Variants in KIAA2012 observed in about 807,000 individuals in gnomAD.
The protein encoded by KIAA2012 is uncharacterized protein KIAA2012.
A neutral mutation model predicts 150.6 loss-of-function variants in KIAA2012; 125 were observed. The observed-to-expected ratio is 0.83, with a 90% CI of 0.72 to 0.96. The LOEUF is 0.96. Ranked by LOEUF, KIAA2012 falls within the 40% of genes least tolerant of loss-of-function variation. The pLI, the probability that KIAA2012 is intolerant of heterozygous loss-of-function variation, is 0.00. For synonymous variants in KIAA2012, 462 were observed against 504.7 expected (o/e 0.92, Z 1.13); for missense variants, 1,219 against 1,354.9 (o/e 0.90, Z 1.57).
chr2:202,132,707 T>TA (rs1255909276), intron 12 of KIAA2012, among the ~76,000 whole-genome samples: 66 of 119,956 alleles, frequency 5.5e-4, no homozygotes, highest in African/African-American at 2.0e-3. Flanking sequence ...TATATATATA[T>TA]GTATATATGT....
chr2:202,150,504 A>C (rs1433246787), intron 13 of KIAA2012, among the ~76,000 whole-genome samples: 2 of 151,586 alleles, frequency 1.3e-5, no homozygotes, highest in African/African-American at 4.8e-5. Flanking sequence ...GCTGGAGTGC[A>C]GTGGCGCGAT....
chr2:202,142,607 A>G (rs1829687), intron 13 of KIAA2012, among the ~76,000 whole-genome samples: 52,682 of 151,982 alleles, frequency 0.35, 9,403 homozygotes, highest in East Asian at 0.59. Context: ...TAGGAAGGGG[A>G]CTTGTTTTGG....
intron 3 of KIAA2012, among the ~76,000 whole-genome samples, chr2:202,091,599 A>C (rs1390967924): frequency 1.3e-5 from 2 of 151,860 alleles, no homozygotes; most frequent in Non-Finnish European, 2.9e-5. Context: ...ATGCATACCC[A>C]CCCCCGCAAC....
chr2:202,177,256 A>G (rs1029047835), intron 15 of KIAA2012, among the ~76,000 whole-genome samples: 4 of 152,220 alleles, frequency 2.6e-5, no homozygotes, highest in African/African-American at 9.7e-5. Flanking sequence ...AATACTATAT[A>G]TTGTTTACAT....
chr2:202,196,807 G>A lies in KIAA2012; in HGVS notation c.3195G>A (p.Glu1065=), dbSNP rs928921385. ...CCCTTTTCTATTCTGCAGAGGCAGAGAAGCAAAGGCAAGAGGAATTGGAAA... is the reference window on the plus strand; with the variant it reads ...CCCTTTTCTATTCTGCAGAGGCAGAAAAGCAAAGGCAAGAGGAATTGGAAA... ...QQEEAERAEA[E]KQRQEELEMQ... Residue 1065 remains glutamate, a synonymous_variant, in exon 22 of 24, where the codon GAG becomes GAA. Transcript: ENST00000498697. The A allele has an allele frequency of 1.8e-5, 28 of 1,550,440 alleles. No individual in the cohort carries two copies. The highest frequency in any genetic ancestry group is 2.4e-5 in the Non-Finnish European group (27 of 1,146,932).
chr2:202,145,262 C>CGAGA (rs765514805), intron 13 of KIAA2012, among the ~76,000 whole-genome samples: 2 of 152,196 alleles, frequency 1.3e-5, no homozygotes, highest in African/African-American at 2.4e-5. Flanking sequence ...TCTCCCTTCT[C>CGAGA]TCTCTCCCCA....
At chr2:202,075,220 T>A (rs1574997014) in intron 2 of KIAA2012, 45 bp downstream of exon 2, 1 of 1,485,662 alleles carries the variant, frequency 6.7e-7, no homozygotes, top group African/African-American at 1.4e-5. Flanking sequence ...GCTGGTAGCA[T>A]GTCTAGAAAC....
At chr2:202,181,506 C>T (rs894273536) in intron 15 of KIAA2012, among the ~76,000 whole-genome samples, 7 of 151,868 alleles carry the variant, frequency 4.6e-5, no homozygotes, top group East Asian at 3.9e-4. Flanking sequence ...CCCTTGAGCC[C>T]GGGAGTTCAA....
rs937283946 is a variant in KIAA2012 at position 202,103,144 on chromosome 2, G to A, written c.1324+30G>A. On this transcript the variant is annotated intron_variant, in intron 8 of 23. Transcript: ENST00000498697. ...GTCCCGGGTGCATGGGCACTCCTGAGGGAGAGCCTGGGATGGGGGGTCCTG... is the reference window on the plus strand; with the variant it reads ...GTCCCGGGTGCATGGGCACTCCTGAAGGAGAGCCTGGGATGGGGGGTCCTG... The A allele has an allele frequency of 3.2e-6, 5 of 1,544,490 alleles. No homozygotes were observed. In the Admixed American group the frequency reaches 1.0e-4, roughly 31 times the overall value.
At chr2:202,076,368 A>G (rs879448098) in intron 2 of KIAA2012, among the ~76,000 whole-genome samples, 4 of 152,190 alleles carry the variant, frequency 2.6e-5, no homozygotes, top group Admixed American at 6.5e-5. Flanking sequence ...TCCCAGAATC[A>G]TTGTTGGACA....
At chr2:202,138,533 A>C (rs1228629033) in intron 13 of KIAA2012, 25 bp downstream of exon 13, 2 of 1,517,496 alleles carry the variant, frequency 1.3e-6, no homozygotes, top group African/African-American at 2.8e-5. Context: ...CTGAATGAGG[A>C]TGACACTAGG....
chr2:202,078,213 AAATCATGTAATGACCTGGG>A (rs1346767917), intron 2 of KIAA2012, among the ~76,000 whole-genome samples: 1 of 152,264 alleles, frequency 6.6e-6, no homozygotes, highest in African/African-American at 2.4e-5. Flanking sequence ...GAACTCTGGT[AAATCATGTAATGACCTGGG>A]TCAAGCAATG....
At chr2:202,156,696 T>C (rs531691538) in intron 14 of KIAA2012, among the ~76,000 whole-genome samples, 5 of 152,228 alleles carry the variant, frequency 3.3e-5, no homozygotes, top group South Asian at 4.1e-4. Flanking sequence ...CCAGCCTGGC[T>C]AACACGGTGA....
intron 7 of KIAA2012, among the ~76,000 whole-genome samples, chr2:202,102,338 G>A (rs889745706): frequency 1.3e-5 from 2 of 152,124 alleles, no homozygotes; most frequent in Non-Finnish European, 2.9e-5. Context: ...AAATGCTAAC[G>A]AGAGGAGAGT....
chr2:202,128,107 T>C (rs1575026486), intron 12 of KIAA2012, among the ~76,000 whole-genome samples: 1 of 151,834 alleles, frequency 6.6e-6, no homozygotes, highest in Non-Finnish European at 1.5e-5. Context: ...TTTTCCACTT[T>C]CCCCTCACCC....
chr2:202,081,508 T>A (rs1013852012), intron 2 of KIAA2012, among the ~76,000 whole-genome samples: 3 of 151,364 alleles, frequency 2.0e-5, no homozygotes, highest in Non-Finnish European at 2.9e-5. Flanking sequence ...CATATCCTCA[T>A]CAACACTTGT....
intron 7 of KIAA2012, among the ~76,000 whole-genome samples, chr2:202,100,894 A>G (rs1439668421): frequency 1.3e-5 from 2 of 152,214 alleles, no homozygotes; most frequent in Non-Finnish European, 2.9e-5. Context: ...TTGCAAGTCT[A>G]TCAACCTCCT....
intron 23 of KIAA2012, 102 bp downstream of exon 23, chr2:202,202,689 A>T (rs1692553034): frequency 5.1e-6 from 2 of 392,866 alleles, no homozygotes; most frequent in Non-Finnish European, 9.0e-6. Flanking sequence ...ACACTTTGAG[A>T]GGCTGAGGCG....
chr2:202,155,467 C>T (rs1224849592), intron 14 of KIAA2012, among the ~76,000 whole-genome samples: 1 of 152,128 alleles, frequency 6.6e-6, no homozygotes. Context: ...TGGTTTAGGG[C>T]CCCTTTCCTA....
Sources: gnomAD v4.1 joint callset for allele counts (sites outside exome capture counted in the v4.1 genomes callset) on GRCh38, gnomAD v4.1.1 for gene constraint, MANE v1.5 for transcripts, NCBI Gene and HGNC (gene_info 2026-07-23, HGNC 2026-07-21) for gene names.